GSE1: variants seen among roughly 807,000 people sequenced by gnomAD.
GSE1 encodes the protein Gse1 coiled-coil protein.
Under a neutral mutation model 112.6 loss-of-function variants are expected in GSE1, and 32 were observed. The ratio of observed to expected loss-of-function variants is 0.28; its 90% CI spans 0.21 to 0.38. GSE1 has a LOEUF of 0.38. Ranked by LOEUF, GSE1 falls within the 10% of genes least tolerant of loss-of-function variation. The pLI is 1.00. For missense variants in GSE1, 2,348 were observed against 1,699.2 expected, an observed-to-expected ratio of 1.38 and a Z score of -6.71; for synonymous variants, 1,115 against 735.6, an observed-to-expected ratio of 1.52 and a Z score of -8.35.
At chr16:85,329,491 C>T (rs1400738590) in intron 1 of GSE1, among the ~76,000 whole-genome samples, 1 of 151,894 alleles carries the variant, frequency 6.6e-6, no homozygotes, top group African/African-American at 2.4e-5. Context: ...TGCAGAGCCA[C>T]CTGCAGGTGG....
intron 2 of GSE1, among the ~76,000 whole-genome samples, chr16:85,429,725 G>A (rs1212491757): frequency 6.6e-6 from 1 of 152,148 alleles, no homozygotes; most frequent in Non-Finnish European, 1.5e-5. Context: ...TGTTCCCTCT[G>A]CCTGGAACGC....
intron 1 of GSE1, among the ~76,000 whole-genome samples, chr16:85,281,428 C>G (rs1486862490): frequency 6.6e-6 from 1 of 152,112 alleles, no homozygotes; most frequent in Non-Finnish European, 1.5e-5. Context: ...ATAATTATTA[C>G]TCATATCCCC....
intron 2 of GSE1, among the ~76,000 whole-genome samples, chr16:85,504,219 A>G (rs2051462754): frequency 6.6e-6 from 1 of 152,174 alleles, no homozygotes; most frequent in Non-Finnish European, 1.5e-5. Flanking sequence ...GTGGGTGTGG[A>G]CCGTCCCTGA....
chr16:85,624,275 G>A (rs2048924843), intron 1 of GSE1, among the ~76,000 whole-genome samples: 1 of 152,192 alleles, frequency 6.6e-6, no homozygotes, highest in Non-Finnish European at 1.5e-5. Flanking sequence ...CAGGGCCTCT[G>A]GAGGGAGGAA....
intron 1 of GSE1, among the ~76,000 whole-genome samples, chr16:85,198,452 G>A (rs979663090): frequency 6.6e-6 from 1 of 152,172 alleles, no homozygotes; most frequent in Non-Finnish European, 1.5e-5. Flanking sequence ...CAGAGTCCCC[G>A]GCTGCCAGGA....
At chr16:85,556,561 A>G (rs1420491951) in intron 1 of GSE1, among the ~76,000 whole-genome samples, 1 of 150,422 alleles carries the variant, frequency 6.6e-6, no homozygotes, top group Admixed American at 6.6e-5. Flanking sequence ...TGCGGCGGGG[A>G]GCGCCCACCT....
At chr16:85,425,340 C>T (rs1480545203) in intron 2 of GSE1, among the ~76,000 whole-genome samples, 1 of 48,754 alleles carries the variant, frequency 2.1e-5, no homozygotes, top group Non-Finnish European at 7.7e-5. Context: ...AGCAGCCCCA[C>T]CCCCAGGGCC....
rs2053503712 is a variant in GSE1, at chr16:85,673,486, A to ACC, written c.*947_*948insCC. 1.3e-5 allele frequency: 2 copies of ACC among 152,470 alleles called. No homozygotes were observed. The highest frequency in any genetic ancestry group is 3.4e-3 in the Middle Eastern group (1 of 294). The allele number at this position is 152,470 out of a possible 1,614,324, so 9.4% of individuals were successfully genotyped here. ...TTTTGGTTTTTTTTGGGCAAAAAAAAAAAAAAAACCTTGCTTTTAGTGTTT... is the reference window on the plus strand; with the variant it reads ...TTTTGGTTTTTTTTGGGCAAAAAAAACCAAAAAAAACCTTGCTTTTAGTGTTT... On this transcript the variant is annotated 3_prime_UTR_variant, in exon 16 of 16. Coordinates refer to ENST00000253458, the MANE Select transcript of GSE1 (RefSeq NM_014615.5).
At chr16:85,360,583 G>A (rs559930865) in intron 2 of GSE1, among the ~76,000 whole-genome samples, 11 of 152,264 alleles carry the variant, frequency 7.2e-5, no homozygotes, top group African/African-American at 1.4e-4. Flanking sequence ...GCAGGCGGGC[G>A]GGCGCTGTCT....
chr16:85,629,749 G>T (rs970537159), intron 1 of GSE1, among the ~76,000 whole-genome samples: 1 of 152,220 alleles, frequency 6.6e-6, no homozygotes, highest in African/African-American at 2.4e-5. Context: ...ACATGTTTTG[G>T]AGACTCTGGG....
At chr16:85,576,773 TG>T (rs912551500) in intron 1 of GSE1, among the ~76,000 whole-genome samples, 19 of 152,174 alleles carry the variant, frequency 1.2e-4, no homozygotes, top group African/African-American at 4.3e-4. Context: ...CAGGCTTGCT[TG>T]GGGACTGATG....
At chr16:85,664,459 GA>G (rs1215018223) in intron 11 of GSE1, 2 of 152,412 alleles carry the variant, frequency 1.3e-5, no homozygotes, top group African/African-American at 4.8e-5. Flanking sequence ...CAGTTCCCTA[GA>G]TACAAAGCAT....
chr16:85,370,610 TCCTTCTCTCCCTCC>T (rs2047275543), intron 2 of GSE1, among the ~76,000 whole-genome samples: 1 of 4,626 alleles, frequency 2.2e-4, no homozygotes, highest in Non-Finnish European at 9.7e-4. Context: ...CTTCCCTCCC[TCCTTCTCTCCCTCC>T]CTCCTTCTCT....
intron 2 of GSE1, among the ~76,000 whole-genome samples, chr16:85,646,326 C>A (rs76678921): frequency 0.15 from 23,233 of 151,826 alleles, 2,125 homozygotes; most frequent in African/African-American, 0.24. Flanking sequence ...CAGAAGGTGC[C>A]CAATTGTACC....
intron 1 of GSE1, among the ~76,000 whole-genome samples, chr16:85,175,926 C>A (rs543652784): frequency 6.6e-6 from 1 of 152,202 alleles, no homozygotes; most frequent in Non-Finnish European, 1.5e-5. Context: ...GGACCAGCGT[C>A]GGGCCTGAGT....
intron 1 of GSE1, among the ~76,000 whole-genome samples, chr16:85,292,334 T>G (rs891940244): frequency 2.3e-4 from 35 of 149,606 alleles, no homozygotes; most frequent in African/African-American, 5.9e-4. Context: ...TTTTGTTTTT[T>G]TTTTTTGTTT....
chr16:85,586,564 G>C (rs576237769), intron 1 of GSE1, among the ~76,000 whole-genome samples: 2 of 152,334 alleles, frequency 1.3e-5, no homozygotes, highest in Admixed American at 1.3e-4. Flanking sequence ...CACACCAGCT[G>C]TCCCACTGCC....
chr16:85,368,459 C>T (rs1162992292), intron 2 of GSE1, among the ~76,000 whole-genome samples: 1 of 152,126 alleles, frequency 6.6e-6, no homozygotes, highest in African/African-American at 2.4e-5. Context: ...AATCCCAGCT[C>T]TTTGGGAGGC....
chr16:85,552,150 C>A (rs903086257), upstream of GSE1, among the ~76,000 whole-genome samples: 6 of 152,012 alleles, frequency 3.9e-5, no homozygotes, highest in Non-Finnish European at 5.9e-5. Flanking sequence ...CTCAGCCTCC[C>A]CAGAAGCTGG....
Sources: gnomAD v4.1 joint callset for allele counts (sites outside exome capture counted in the v4.1 genomes callset) on GRCh38, gnomAD v4.1.1 for gene constraint, MANE v1.5 for transcripts, NCBI Gene and HGNC (gene_info 2026-07-23, HGNC 2026-07-21) for gene names.